Variants in BST1 observed in about 807,000 individuals in gnomAD.
BST1 encodes bone marrow stromal cell antigen 1.
A neutral mutation model predicts 40.6 loss-of-function variants in BST1; 49 were observed. The observed-to-expected ratio is 1.21, with a 90% CI of 0.96 to 1.53. The LOEUF is 1.53. Among genes scored for constraint, BST1 ranks in the 40% most tolerant of loss-of-function variants. The pLI, the probability that BST1 is intolerant of heterozygous loss-of-function variation, is 0.00. For synonymous variants in BST1, 157 were observed against 159.3 expected, an observed-to-expected ratio of 0.99 and a Z score of 0.11; for missense variants, 423 against 395.9, an observed-to-expected ratio of 1.07 and a Z score of -0.58.
At chr4:15,770,753 G>A in the BST1 span, among the ~76,000 whole-genome samples, 4 of 96,584 alleles carry the variant, frequency 4.1e-5, no homozygotes, top group African/African-American at 1.6e-4. Context: ...GATTCCCCCT[G>A]TTTGCTACAT....
At chr4:15,704,902 T>C (rs759159964) in intron 1 of BST1, 14 of 768,192 alleles carry the variant, frequency 1.8e-5, no homozygotes, top group South Asian at 1.8e-4. Flanking sequence ...TGATCATTTT[T>C]ATTGTCGCAC....
At chr4:15,724,667 C>T (rs1488616561) in intron 8 of BST1, among the ~76,000 whole-genome samples, 9 of 151,690 alleles carry the variant, frequency 5.9e-5, no homozygotes, top group African/African-American at 2.2e-4. Flanking sequence ...GCCCAGTCAA[C>T]AAGTGTGAAA....
At chr4:15,711,065 C>G (rs912601426) in intron 3 of BST1, among the ~76,000 whole-genome samples, 1 of 152,196 alleles carries the variant, frequency 6.6e-6, no homozygotes, top group Non-Finnish European at 1.5e-5. Flanking sequence ...GCTGAGATTA[C>G]AGGCGTGAGC....
Position 15,718,928 on chromosome 4 carries a change from C to T in BST1, c.726C>T (p.Ser242=). ...GPNVESCGEG[S]MKVLEKRLKD... is the part of the protein sequence containing the mutation. ...TTAGGGAATCCTGCGGGGAAGGCAG[C>T]ATGAAAGTCCTGGAAAAGAGGCTGA... The change falls in exon 7 of 9, where the codon AGC becomes AGT. Residue 242 remains serine (S), a synonymous_variant. Coordinates refer to ENST00000265016, the MANE Select transcript of BST1 (RefSeq NM_004334.3). 1 of 1,614,020 alleles carries T rather than the reference C, an allele frequency of 6.2e-7. No individual in the cohort carries two copies.
downstream of BST1, among the ~76,000 whole-genome samples, chr4:15,739,587 GTGTGTGTA>G (rs1352691251): frequency 1.2e-4 from 17 of 144,838 alleles, no homozygotes; most frequent in African/African-American, 3.7e-4. Flanking sequence ...GTGTGTGTGT[GTGTGTGTA>G]TTTCTCCCCT....
chr4:15,771,752 T>C, the BST1 span, among the ~76,000 whole-genome samples: 1 of 152,232 alleles, frequency 6.6e-6, no homozygotes, highest in Non-Finnish European at 1.5e-5. Context: ...AGTCCACTTT[T>C]AGGAGTGTAT....
chr4:15,718,931 G>C lies in BST1; in HGVS notation c.729G>C (p.Met243Ile). ...PNVESCGEGS[M>I]KVLEKRLKDM... The stretch of plus-strand genomic sequence containing the variant: ...GGGAATCCTGCGGGGAAGGCAGCAT[G>C]AAAGTCCTGGAAAAGAGGCTGAAGG... The change falls in exon 7 of 9, where the codon ATG (methionine) becomes ATC (isoleucine). Residue 243 changes from methionine to isoleucine, a missense_variant. Transcript: ENST00000265016. 1 of 1,614,094 alleles carries C rather than the reference G, an allele frequency of 6.2e-7. No individual in the cohort carries two copies. Among genetic ancestry groups the C allele is most frequent in the East Asian group, 2.2e-5 (1 of 44,896 alleles).
At chr4:15,710,084 T>G (rs1021911183) in intron 3 of BST1, among the ~76,000 whole-genome samples, 2 of 152,110 alleles carry the variant, frequency 1.3e-5, no homozygotes, top group Admixed American at 1.3e-4. Flanking sequence ...GCGATCCTCT[T>G]GCCTCAGCCT....
At chr4:15,739,650 C>A (rs1163840816), downstream of BST1, among the ~76,000 whole-genome samples, 1 of 151,368 alleles carries the variant, frequency 6.6e-6, no homozygotes, top group Non-Finnish European at 1.5e-5. Flanking sequence ...CCAGCTGCAC[C>A]TTCATGACTT....
downstream of BST1, among the ~76,000 whole-genome samples, chr4:15,741,694 G>A (rs888460012): frequency 3.3e-5 from 5 of 152,148 alleles, no homozygotes; most frequent in African/African-American, 1.2e-4. Context: ...ACTACATGAA[G>A]CTCAAATTTT....
chr4:15,721,667 G>T, intron 7 of BST1, among the ~76,000 whole-genome samples: 1 of 136,788 alleles, frequency 7.3e-6, no homozygotes, highest in South Asian at 2.8e-4. Flanking sequence ...GGGGTAGGGG[G>T]AGGGGGGAGG....
chr4:15,768,613 C>T, the BST1 span, among the ~76,000 whole-genome samples: 2 of 151,858 alleles, frequency 1.3e-5, no homozygotes, highest in South Asian at 4.1e-4. Flanking sequence ...CCTGCCTCAG[C>T]CTCCCGAGTA....
chr4:15,738,181 G>T, exon 7 of BST1: 1 of 186,092 alleles, frequency 5.4e-6, no homozygotes, highest in Non-Finnish European at 1.1e-5. Context: ...CCACTCTGGT[G>T]GGGATGCTGC....
the BST1 span, among the ~76,000 whole-genome samples, chr4:15,748,644 G>A: frequency 2.6e-5 from 4 of 152,290 alleles, no homozygotes; most frequent in East Asian, 1.9e-4. Context: ...TAGGATTTTC[G>A]CACAGTCTGC....
At chr4:15,772,993 TA>T in the BST1 span, among the ~76,000 whole-genome samples, 1 of 152,122 alleles carries the variant, frequency 6.6e-6, no homozygotes, top group Non-Finnish European at 1.5e-5. Context: ...AATTATGTTG[TA>T]AAAGTTATAT....
At chr4:15,717,619 T>A (rs1720584870) in intron 6 of BST1, among the ~76,000 whole-genome samples, 1 of 152,192 alleles carries the variant, frequency 6.6e-6, no homozygotes, top group Admixed American at 6.5e-5. Flanking sequence ...AAAACCTACT[T>A]TCATGAATTT....
chr4:15,718,928 C>A lies in BST1; in HGVS notation c.726C>A (p.Ser242Arg). The stretch of plus-strand genomic sequence containing the variant: ...TTAGGGAATCCTGCGGGGAAGGCAG[C>A]ATGAAAGTCCTGGAAAAGAGGCTGA... ...GPNVESCGEGSMKVLEKRLKD... is the reference protein window; with the variant it reads ...GPNVESCGEGRMKVLEKRLKD... The change falls in exon 7 of 9, where the codon AGC becomes AGA. Residue 242 changes from serine (S) to arginine (R), a missense_variant. Transcript: ENST00000265016. The A allele has an allele frequency of 6.2e-7, 1 of 1,614,020 alleles. No homozygotes were observed. The highest frequency in any genetic ancestry group is 8.5e-7 in the Non-Finnish European group (1 of 1,179,946).
the BST1 span, among the ~76,000 whole-genome samples, chr4:15,747,697 G>A: frequency 6.6e-6 from 1 of 152,128 alleles, no homozygotes; most frequent in Non-Finnish European, 1.5e-5. Flanking sequence ...TTAGAGACAA[G>A]TTCCTACCTT....
the BST1 span, among the ~76,000 whole-genome samples, chr4:15,760,733 G>A: frequency 3.3e-5 from 5 of 151,152 alleles, no homozygotes; most frequent in Non-Finnish European, 7.4e-5. Context: ...CTTTTACCCA[G>A]GCTGAAGTGC....
Sources: gnomAD v4.1 joint callset for allele counts (sites outside exome capture counted in the v4.1 genomes callset) on GRCh38, gnomAD v4.1.1 for gene constraint, MANE v1.5 for transcripts, NCBI Gene and HGNC (gene_info 2026-07-23, HGNC 2026-07-21) for gene names.